ZNF333: variants seen among roughly 807,000 people sequenced by gnomAD.
ZNF333 encodes zinc finger protein 333.
ZNF333 carries 61 observed loss-of-function variants against 76.1 expected under a neutral mutation model. The ratio of observed to expected loss-of-function variants is 0.80; its 90% CI spans 0.65 to 0.99. The LOEUF (loss-of-function observed/expected upper bound fraction) is 0.99. Ranked by LOEUF, ZNF333 falls within the 50% of genes least tolerant of loss-of-function variation. The probability of loss-of-function intolerance (pLI) is 0.00; values close to 1 mark genes in which losing one functional copy is unlikely to be tolerated. For synonymous variants in ZNF333, 284 were observed against 305.0 expected, an observed-to-expected ratio of 0.93 and a Z score of 0.72; for missense variants, 717 against 822.4, an observed-to-expected ratio of 0.87 and a Z score of 1.57.
intron 5 of ZNF333, among the ~76,000 whole-genome samples, chr19:14,703,216 A>C (rs1233033751): frequency 6.6e-6 from 1 of 151,688 alleles, no homozygotes; most frequent in African/African-American, 2.4e-5. Flanking sequence ...AAAAAAAAAA[A>C]AAAAAACCAT....
Position 14,720,108 on chromosome 19 carries a change from C to T in ZNF333, c.*783C>T. On this transcript the variant is annotated 3_prime_UTR_variant, in exon 12 of 12. Transcript: ENST00000292530. ...GGCTGAGGCAGGAGAATTCTTTGAACCCAGGAGGCAGAGGTTGCAGTGAGC... is the reference window on the plus strand; with the variant it reads ...GGCTGAGGCAGGAGAATTCTTTGAATCCAGGAGGCAGAGGTTGCAGTGAGC... 1.2e-6 allele frequency: 1 copy of T among 841,306 alleles called. No individual in the cohort carries two copies. Among genetic ancestry groups the T allele is most frequent in the Non-Finnish European group, 1.4e-6 (1 of 698,682 alleles). The allele number at this position is 841,306 out of a possible 1,614,324, so 52.1% of individuals were successfully genotyped here. A position where few individuals can be genotyped will look rare whatever the true frequency, so the allele number is the denominator to read the frequency against.
downstream of ZNF333, among the ~76,000 whole-genome samples, chr19:14,722,333 G>A (rs978159737): frequency 3.3e-5 from 5 of 152,340 alleles, no homozygotes; most frequent in African/African-American, 1.2e-4. Flanking sequence ...GGCCAATGGA[G>A]TGTTGACAAA....
chr19:14,703,202 C>CAAA (rs35839207), intron 5 of ZNF333, among the ~76,000 whole-genome samples: 5 of 73,044 alleles, frequency 6.8e-5, no homozygotes, highest in Admixed American at 1.6e-4. Context: ...GACTCCGTCT[C>CAAA]AAAAAAAAAA....
At chr19:14,714,582 TA>T (rs1213978624) in intron 7 of ZNF333, among the ~76,000 whole-genome samples, 1 of 152,110 alleles carries the variant, frequency 6.6e-6, no homozygotes, top group African/African-American at 2.4e-5. Context: ...CAGTTTGTGA[TA>T]CTTTGTTACG....
Position 14,720,678 on chromosome 19 carries a change from A to T in ZNF333, c.*1353A>T. On this transcript the variant is annotated 3_prime_UTR_variant, in exon 12 of 12. Coordinates refer to ENST00000292530, the MANE Select transcript of ZNF333 (RefSeq NM_032433.4). ...CTAACTGATGCACTTAGTATATGTC[A>T]GTTTTTATAAATGCTTCATGGATGG... 1 of 985,386 alleles carries T rather than the reference A, an allele frequency of 1.0e-6. No individual in the cohort carries two copies. Among genetic ancestry groups the T allele is most frequent in the Non-Finnish European group, 1.2e-6 (1 of 829,920 alleles). 61.0% of individuals were successfully genotyped at this position (985,386 alleles called of 1,614,324 possible).
intron 6 of ZNF333, chr19:14,706,341 G>T (rs974282243): frequency 1.3e-5 from 5 of 384,602 alleles, no homozygotes; most frequent in African/African-American, 6.3e-5. Flanking sequence ...CCGCATTCAC[G>T]CAGGTCCACC....
rs755830399 is a variant in ZNF333 at position 14,719,351 on chromosome 19, C to T, written c.*26C>T. 2.5e-5 allele frequency: 39 copies of T among 1,572,072 alleles called. No homozygotes were observed. Among genetic ancestry groups the T allele is most frequent in the Non-Finnish European group, 3.0e-5 (35 of 1,161,104 alleles). ...CTTCCATTTTGTAAAAATATAAACA[C>T]ATGGGGCTATGACTTTCCCTCGTAA... On this transcript the variant is annotated 3_prime_UTR_variant, in exon 12 of 12. Coordinates refer to ENST00000292530, the MANE Select transcript of ZNF333 (RefSeq NM_032433.4).
At chr19:14,704,910 T>C (rs1031192654) in intron 5 of ZNF333, 144 bp from the exon 6 acceptor site, 4 of 660,460 alleles carry the variant, frequency 6.1e-6, no homozygotes, top group Non-Finnish European at 1.0e-5. Context: ...CCCAAAGTGC[T>C]GGGATTATGG....
At chr19:14,727,833 A>G (rs1406911468) in intron 11 of ZNF333, among the ~76,000 whole-genome samples, 4 of 152,234 alleles carry the variant, frequency 2.6e-5, no homozygotes, top group Non-Finnish European at 5.9e-5. Flanking sequence ...GTGGAAAATC[A>G]ATGGCTTATG....
intron 6 of ZNF333, chr19:14,706,013 C>G: frequency 2.3e-6 from 1 of 442,786 alleles, no homozygotes; most frequent in Admixed American, 2.4e-5. Context: ...CCCGAGGGAC[C>G]TGCTGCATGT....
intron 11 of ZNF333, among the ~76,000 whole-genome samples, chr19:14,727,437 A>T (rs560808142): frequency 6.6e-6 from 1 of 152,340 alleles, no homozygotes; most frequent in African/African-American, 2.4e-5. Flanking sequence ...CACAGCAGAA[A>T]GCAAAGCGGG....
intron 7 of ZNF333, among the ~76,000 whole-genome samples, chr19:14,712,174 A>G (rs1371660903): frequency 6.6e-6 from 1 of 150,722 alleles, no homozygotes; most frequent in East Asian, 1.9e-4. Flanking sequence ...GCACTTCCTG[A>G]GATTGAGGAC....
chr19:14,706,856 C>A, intron 7 of ZNF333, 83 bp downstream of exon 7: 2 of 1,205,182 alleles, frequency 1.7e-6, no homozygotes, highest in Non-Finnish European at 2.4e-6. Context: ...CCTATCCTGC[C>A]TGCATTTCCT....
chr19:14,694,317 A>T (rs1417566492), intron 2 of ZNF333, among the ~76,000 whole-genome samples: 2 of 152,116 alleles, frequency 1.3e-5, no homozygotes, highest in Non-Finnish European at 2.9e-5. Flanking sequence ...TACTAAAAAT[A>T]CAAAAAGTTA....
intron 2 of ZNF333, among the ~76,000 whole-genome samples, chr19:14,694,533 T>C (rs955880024): frequency 2.0e-5 from 3 of 151,762 alleles, no homozygotes; most frequent in Middle Eastern, 3.2e-3. Context: ...CTTTCACAAG[T>C]ATATAATTAA....
chr19:14,721,565 G>A lies in ZNF333; in HGVS notation c.*2240G>A, dbSNP rs1399478130. The A allele has an allele frequency of 6.6e-6, 1 of 151,962 alleles. No individual in the cohort carries two copies. Among genetic ancestry groups the A allele is most frequent in the Admixed American group, 6.6e-5 (1 of 15,256 alleles). 9.4% of individuals were successfully genotyped at this position (151,962 alleles called of 1,614,324 possible). On this transcript the variant is annotated 3_prime_UTR_variant, in exon 12 of 12. Transcript: ENST00000292530. ...GTCTGTTTTCTTCACTTAATATAGT[G>A]TCATTGAGATTTATCTATGTTGTAT...
Position 14,720,217 on chromosome 19 carries a change from C to T in ZNF333, c.*892C>T. The T allele has an allele frequency of 3.0e-6, 3 of 985,268 alleles. No individual in the cohort carries two copies. The highest frequency in any genetic ancestry group is 3.6e-6 in the Non-Finnish European group (3 of 829,838). The allele number at this position is 985,268 out of a possible 1,614,324, so 61.0% of individuals were successfully genotyped here. On this transcript the variant is annotated 3_prime_UTR_variant, in exon 12 of 12. Coordinates refer to ENST00000292530, the MANE Select transcript of ZNF333 (RefSeq NM_032433.4). ...AATAATAATAAAAAAAAGCTTCCAT[C>T]TCCCAGCCCTTCTTGCAAGCAAGGG...
intron 1 of ZNF333, among the ~76,000 whole-genome samples, chr19:14,692,682 T>C (rs990450394): frequency 6.6e-6 from 1 of 151,944 alleles, no homozygotes; most frequent in Non-Finnish European, 1.5e-5. Context: ...CCAGCTAATT[T>C]TTGTATTTTA....
intron 5 of ZNF333, among the ~76,000 whole-genome samples, chr19:14,700,591 G>A (rs886410450): frequency 1.3e-5 from 2 of 152,144 alleles, no homozygotes; most frequent in African/African-American, 4.8e-5. Context: ...TAGTACAGGA[G>A]AAAATATACA....
Sources: gnomAD v4.1 joint callset for allele counts (sites outside exome capture counted in the v4.1 genomes callset) on GRCh38, gnomAD v4.1.1 for gene constraint, MANE v1.5 for transcripts, NCBI Gene and HGNC (gene_info 2026-07-23, HGNC 2026-07-21) for gene names.